FLG2: variants seen among roughly 807,000 people sequenced by gnomAD.
The protein encoded by FLG2 is filaggrin-2.
A neutral mutation model predicts 3.9 loss-of-function variants in FLG2; 7 were observed. That is an observed-to-expected ratio of 1.79 (90% CI 1.02 to 3.36). The LOEUF is 3.36. FLG2 is among the 30% of genes most tolerant of loss of function. The pLI is 0.00. For missense variants in FLG2, 2,700 were observed against 2,809.4 expected (o/e 0.96, Z 0.88); for synonymous variants, 1,031 against 1,056.1 (o/e 0.98, Z 0.46).
rs753637557 is a variant in FLG2 at position 152,357,625 on chromosome 1, A to G, written c.161T>C (p.Val54Ala). Residue 54 changes from valine to alanine, a missense_variant, in exon 3 of 3, where the codon GTG becomes GCG. Coordinates refer to ENST00000388718, the MANE Select transcript of FLG2 (RefSeq NM_001014342.3). ...VLKNPDDPDT[V>A]DVIMHMLDRD... is the part of the protein sequence containing the mutation. ...ATCCAGCATATGCATGATGACATCCACTGTGTCTGGATCATCTGGGTTCTG... is the reference window on the plus strand; with the variant it reads ...ATCCAGCATATGCATGATGACATCCGCTGTGTCTGGATCATCTGGGTTCTG... 4 of 1,613,310 alleles carry G rather than the reference A, an allele frequency of 2.5e-6. No individual in the cohort carries two copies. In the South Asian group the frequency reaches 4.4e-5, roughly 18 times the overall value.
chr1:152,355,809 T>G lies in FLG2; in HGVS notation c.1977A>C (p.Gly659=), dbSNP rs1570942610. The G allele has an allele frequency of 6.2e-7, 1 of 1,609,488 alleles. No individual in the cohort carries two copies. Residue 659 remains glycine (G), a synonymous_variant, in exon 3 of 3, where the codon GGA becomes GGC. Transcript: ENST00000388718. ...SSQSTGFGQY[G]SGSGQSSGFG... ...AGCCAGAGGACTGACCTGAGCCTGATCCATATTGGCCAAAGCCAGTGGATT... is the reference window on the plus strand; with the variant it reads ...AGCCAGAGGACTGACCTGAGCCTGAGCCATATTGGCCAAAGCCAGTGGATT...
At position 152,350,996 on chromosome 1, in the gene FLG2, G is replaced by A. The variant is rs770971156; in HGVS notation, c.6790C>T (p.His2264Tyr). 2 of 1,613,700 alleles carry A rather than the reference G, an allele frequency of 1.2e-6. No homozygotes were observed. The highest frequency in any genetic ancestry group is 1.7e-6 in the Non-Finnish European group (2 of 1,179,938). The change falls in exon 3 of 3, where the codon CAC becomes TAC. Residue 2264 changes from histidine to tyrosine, a missense_variant. By Grantham distance (83) the His-to-Tyr change is moderately conservative. Coordinates refer to ENST00000388718, the MANE Select transcript of FLG2 (RefSeq NM_001014342.3). ...GHSESSDSEV[H>Y]SWGSHTHSGH... ...GAATGTGTGTGTGAGCCCCATGAGT[G>A]CACTTCACTGTCACTGGACTCACTG...
chr1:152,352,381 C>T lies in FLG2; in HGVS notation c.5405G>A (p.Gly1802Asp), dbSNP rs760787412. 23 of 1,613,708 alleles carry T rather than the reference C, an allele frequency of 1.4e-5. 1 individual carries two copies. The highest frequency in any genetic ancestry group is 1.9e-5 in the Non-Finnish European group (22 of 1,179,948). Residue 1802 changes from glycine (G) to aspartate (D), a missense_variant, in exon 3 of 3, where the codon GGC becomes GAC. Coordinates refer to ENST00000388718, the MANE Select transcript of FLG2 (RefSeq NM_001014342.3). ...TTCACTGTCACTGTACTCACTGTGG[C>T]CAGATGACCTTCTTCCAGTGGTCCT... ...GSRTTGRRSS[G>D]HSEYSDSEGH...
chr1:152,351,930 T>A lies in FLG2; in HGVS notation c.5856A>T (p.Gly1952=). The part of the protein sequence containing the change: ...QTGSRTTGRR[G]SGHSEYSDSE... ...TGTCACTGTACTCACTGTGGCCAGA[T>A]CCCCTTCTTCCAGTTGTCCTGGACC... Residue 1952 remains glycine (G), a synonymous_variant, in exon 3 of 3, where the codon GGA becomes GGT. Coordinates refer to ENST00000388718, the MANE Select transcript of FLG2 (RefSeq NM_001014342.3). 6.2e-7 allele frequency: 1 copy of A among 1,613,904 alleles called. No individual in the cohort carries two copies. Among genetic ancestry groups the A allele is most frequent in the Non-Finnish European group, 8.5e-7 (1 of 1,179,956 alleles).
chr1:152,351,324 G>A lies in FLG2; in HGVS notation c.6462C>T (p.Thr2154=). ...CATGACCAGACTGGCCATGTCTAGT[G>A]GTATCTCCTGTCTGTCCATGTATAG... ...QGTIHGQTGD[T]TRHGQSGHGQ... is the part of the protein sequence containing the mutation. The change falls in exon 3 of 3, where the codon ACC becomes ACT. Residue 2154 remains threonine (T), a synonymous_variant. Coordinates refer to ENST00000388718, the MANE Select transcript of FLG2 (RefSeq NM_001014342.3). 6.2e-7 allele frequency: 1 copy of A among 1,613,962 alleles called. No individual in the cohort carries two copies. The highest frequency in any genetic ancestry group is 8.5e-7 in the Non-Finnish European group (1 of 1,179,998).
chr1:152,354,086 C>T lies in FLG2; in HGVS notation c.3700G>A (p.Gly1234Arg), dbSNP rs1256853782. ...QQVESGSTVH[G>R]RQETTHGQTI... ...TGACCATGAGTAGTTTCCTGTCTCC[C>T]ATGAACTGTGGATCCTGACTCTACT... The change falls in exon 3 of 3, where the codon GGG becomes AGG. Residue 1234 changes from glycine (G) to arginine (R), a missense_variant. Gly to Arg is a moderately radical substitution (Grantham distance 125). Coordinates refer to ENST00000388718, the MANE Select transcript of FLG2 (RefSeq NM_001014342.3). 1 of 1,614,104 alleles carries T rather than the reference C, an allele frequency of 6.2e-7. No individual in the cohort carries two copies. Among genetic ancestry groups the T allele is most frequent in the Non-Finnish European group, 8.5e-7 (1 of 1,180,048 alleles).
At chr1:152,359,440 A>C (rs1396422841) in intron 1 of FLG2, among the ~76,000 whole-genome samples, 2 of 152,198 alleles carry the variant, frequency 1.3e-5, no homozygotes, top group Admixed American at 6.5e-5. Flanking sequence ...GGTGTTTCAT[A>C]GGCATGAGAC....
chr1:152,354,928 G>A lies in FLG2; in HGVS notation c.2858C>T (p.Ser953Leu), dbSNP rs116751426. 1,843 of 1,613,356 alleles carry A rather than the reference G, an allele frequency of 1.1e-3. 22 individuals carry two copies. The African/African-American group carries it at 0.022, about 19-fold the overall frequency. ...AAAGCCAGAGGATTGACCTGAGCCTGACCTGTGTTGTCCAAATCCAAAAGT... is the reference window on the plus strand; with the variant it reads ...AAAGCCAGAGGATTGACCTGAGCCTAACCTGTGTTGTCCAAATCCAAAAGT... ...GQTFGFGQHR[S>L]GSGQSSGFGQ... The change falls in exon 3 of 3, where the codon TCA becomes TTA. Residue 953 changes from serine to leucine, a missense_variant. Coordinates refer to ENST00000388718, the MANE Select transcript of FLG2 (RefSeq NM_001014342.3).
At position 152,357,343 on chromosome 1, in the gene FLG2, C is replaced by T; in HGVS notation, c.443G>A (p.Arg148Lys). ...CCCATGTCTACATTTCACAGTTCCC[C>T]TTGAGTGCCCAGAACTATATCCATG... ...EEHGYSSGHS[R>K]GTVKCRHGSN... is the part of the protein sequence containing the mutation. Residue 148 changes from arginine (R) to lysine (K), a missense_variant, in exon 3 of 3, where the codon AGG becomes AAG. Coordinates refer to ENST00000388718, the MANE Select transcript of FLG2 (RefSeq NM_001014342.3). 1 of 1,614,178 alleles carries T rather than the reference C, an allele frequency of 6.2e-7. No homozygotes were observed. The highest frequency in any genetic ancestry group is 8.5e-7 in the Non-Finnish European group (1 of 1,180,036).
Position 152,353,260 on chromosome 1 carries a change from A to C in FLG2, c.4526T>G (p.Val1509Gly). 1.9e-6 allele frequency: 3 copies of C among 1,567,582 alleles called. No individual in the cohort carries two copies. The highest frequency in any genetic ancestry group is 2.6e-6 in the Non-Finnish European group (3 of 1,156,180). ...SGHSESSDSE[V>G]HSGGSHTHSG... The stretch of plus-strand genomic sequence containing the variant: ...ATGTGTGTGCGAGCCCCCTGAGTGC[A>C]CTTCACTGTCACTGGACTCACTGTG... The change falls in exon 3 of 3, where the codon GTG (valine) becomes GGG (glycine). Residue 1509 changes from valine (V) to glycine (G), a missense_variant. Coordinates refer to ENST00000388718, the MANE Select transcript of FLG2 (RefSeq NM_001014342.3).
In FLG2 at chr1:152,352,393, C is replaced by A. The variant is rs754083259; in HGVS notation, c.5393G>T (p.Arg1798Ile). 3 of 1,613,868 alleles carry A rather than the reference C, an allele frequency of 1.9e-6. No individual in the cohort carries two copies. In the African/African-American group the frequency reaches 4.0e-5, roughly 22 times the overall value. The part of the protein sequence containing the change: ...STQTGSRTTG[R>I]RSSGHSEYSD... ...GTACTCACTGTGGCCAGATGACCTT[C>A]TTCCAGTGGTCCTGGACCCTGTCTG... Residue 1798 changes from arginine to isoleucine, a missense_variant, in exon 3 of 3, where the codon AGA becomes ATA. By Grantham distance (97) the Arg-to-Ile change is moderately conservative. Transcript: ENST00000388718.
chr1:152,351,227 C>T lies in FLG2; in HGVS notation c.6559G>A (p.Glu2187Lys), dbSNP rs373724929. The change falls in exon 3 of 3, where the codon GAA (glutamate) becomes AAA (lysine). Residue 2187 changes from glutamate to lysine, a missense_variant. By Grantham distance (56) the Glu-to-Lys change is moderately conservative. Coordinates refer to ENST00000388718, the MANE Select transcript of FLG2 (RefSeq NM_001014342.3). ...RSSHSESSDS[E>K]VHSEASPTHS... ...GTGGGTGAGGCCTCTGAGTGCACTT[C>T]ACTATCACTGGACTCACTGTGACTA... 154 of 1,613,560 alleles carry T rather than the reference C, an allele frequency of 9.5e-5. No individual in the cohort carries two copies. In the Middle Eastern group the frequency reaches 3.1e-3, roughly 33 times the overall value.
chr1:152,354,168 G>A lies in FLG2; in HGVS notation c.3618C>T (p.Gly1206=). The change falls in exon 3 of 3, where the codon GGC becomes GGT. Residue 1206 remains glycine (G), a synonymous_variant. Transcript: ENST00000388718. ...ATTGACCTGAGCCTGAACCATATTG[G>A]CCAAATCCAGTGGACTGACCTGAGT... is the stretch of plus-strand genomic sequence containing the variant. ...ISDSGQSTGF[G]QYGSGSGQST... 6.2e-7 allele frequency: 1 copy of A among 1,614,126 alleles called. No homozygotes were observed. Among genetic ancestry groups the A allele is most frequent in the South Asian group, 1.1e-5 (1 of 91,080 alleles).
chr1:152,357,079 C>T lies in FLG2; in HGVS notation c.707G>A (p.Gly236Asp). The T allele has an allele frequency of 6.2e-7, 1 of 1,614,216 alleles. No homozygotes were observed. The highest frequency in any genetic ancestry group is 8.5e-7 in the Non-Finnish European group (1 of 1,180,044). Residue 236 changes from glycine to aspartate, a missense_variant, in exon 3 of 3, where the codon GGT (glycine) becomes GAT (aspartate). By Grantham distance (94) the Gly-to-Asp change is moderately conservative. Transcript: ENST00000388718. ...GSGSNSWERKGHGGLSCGLET... is the reference protein window; with the variant it reads ...GSGSNSWERKDHGGLSCGLET... ...CAATCCACATGACAGACCACCATGA[C>T]CTTTCCTTTCCCAACTGTTTGATCC...
At position 152,355,717 on chromosome 1, in the gene FLG2, T is replaced by C. The variant is rs752581207; in HGVS notation, c.2069A>G (p.His690Arg). 3.1e-6 allele frequency: 5 copies of C among 1,613,754 alleles called. No homozygotes were observed. In the African/African-American group the frequency reaches 4.0e-5, roughly 13 times the overall value. Residue 690 changes from histidine (H) to arginine (R), a missense_variant, in exon 3 of 3, where the codon CAT becomes CGT. His to Arg is a conservative substitution (Grantham distance 29). Transcript: ENST00000388718. Reference protein sequence around the residue: ...GFGQHESRSGHSSYGQHGFGS... With the variant: ...GFGQHESRSGRSSYGQHGFGS... ...AAAACCATGTTGGCCATAGCTAGAATGACCTGATCTAGACTCATGTTGTCC... is the reference window on the plus strand; with the variant it reads ...AAAACCATGTTGGCCATAGCTAGAACGACCTGATCTAGACTCATGTTGTCC...
chr1:152,354,103 G>T lies in FLG2; in HGVS notation c.3683C>A (p.Ser1228Ter). 9 of 1,614,246 alleles carry T rather than the reference G, an allele frequency of 5.6e-6. No homozygotes were observed. Among genetic ancestry groups the T allele is most frequent in the Non-Finnish European group, 7.6e-6 (9 of 1,180,046 alleles). ...CTGTCTCCCATGAACTGTGGATCCT[G>T]ACTCTACTTGTTGAGATTCACCCTG... ...LGQGESQQVESGSTVHGRQET... is the reference protein window; with the variant it reads ...LGQGESQQVE The change falls in exon 3 of 3, where the codon TCA becomes TAA. Residue 1228 changes from serine (S) to a stop codon, truncating the protein, a stop_gained. Coordinates refer to ENST00000388718, the MANE Select transcript of FLG2 (RefSeq NM_001014342.3). LOFTEE classifies it low-confidence loss of function (END_TRUNC).
rs376782680 is a variant in FLG2 at position 152,357,080 on chromosome 1, C to G, written c.706G>C (p.Gly236Arg). ...AATCCACATGACAGACCACCATGAC[C>G]TTTCCTTTCCCAACTGTTTGATCCA... ...GSGSNSWERK[G>R]HGGLSCGLET... is the part of the protein sequence containing the mutation. The change falls in exon 3 of 3, where the codon GGT becomes CGT. Residue 236 changes from glycine (G) to arginine (R), a missense_variant. Coordinates refer to ENST00000388718, the MANE Select transcript of FLG2 (RefSeq NM_001014342.3). The G allele has an allele frequency of 1.9e-6, 3 of 1,614,092 alleles. No individual in the cohort carries two copies. In the African/African-American group the frequency reaches 4.0e-5, roughly 22 times the overall value.
rs755641707 is a variant in FLG2, at chr1:152,351,206, G to T, written c.6580C>A (p.Pro2194Thr). The T allele has an allele frequency of 7.4e-6, 12 of 1,613,804 alleles. No homozygotes were observed. The highest frequency in any genetic ancestry group is 1.7e-4 in the Middle Eastern group (1 of 6,058). Residue 2194 changes from proline (P) to threonine (T), a missense_variant, in exon 3 of 3, where the codon CCC (proline) becomes ACC (threonine). Transcript: ENST00000388718. Reference protein sequence around the residue: ...SDSEVHSEASPTHSGHTHSQA... With the variant: ...SDSEVHSEASTTHSGHTHSQA... The stretch of plus-strand genomic sequence containing the variant: ...CTGTGAGTGTGTCCTGAATGTGTGG[G>T]TGAGGCCTCTGAGTGCACTTCACTA...
chr1:152,359,703 T>A (rs1345485774), intron 1 of FLG2, among the ~76,000 whole-genome samples: 2 of 152,160 alleles, frequency 1.3e-5, no homozygotes, highest in African/African-American at 4.8e-5. Context: ...GACTGTGGAA[T>A]GGCCTAGAGG....
Sources: allele counts gnomAD v4.1 joint callset (sites outside exome capture counted in the v4.1 genomes callset), GRCh38; gene constraint gnomAD v4.1.1; transcripts MANE v1.5; gene names NCBI Gene and HGNC (gene_info 2026-07-23, HGNC 2026-07-21).